Variants in RIMKLB observed in about 807,000 individuals in gnomAD.
RIMKLB encodes beta-citrylglutamate synthase B.
Under a neutral mutation model 32.0 loss-of-function variants are expected in RIMKLB, and 7 were observed. The ratio of observed to expected loss-of-function variants is 0.22; its 90% confidence interval spans 0.12 to 0.41. The LOEUF (loss-of-function observed/expected upper bound fraction) is 0.41. Ranked by LOEUF, RIMKLB falls within the 10% of genes least tolerant of loss-of-function variation. The pLI, the probability that RIMKLB is intolerant of heterozygous loss-of-function variation, is 1.00. For missense variants in RIMKLB, 289 were observed against 498.7 expected, an observed-to-expected ratio of 0.58 and a Z score of 4.00; for synonymous variants, 172 against 185.1, an observed-to-expected ratio of 0.93 and a Z score of 0.57.
At chr12:8,724,752 G>C (rs1174210621) in intron 2 of RIMKLB, among the ~76,000 whole-genome samples, 1 of 152,180 alleles carries the variant, frequency 6.6e-6, no homozygotes, top group Admixed American at 6.5e-5. Context: ...TAGGGCTGGA[G>C]GCTGGATCTG....
chr12:8,768,886 T>C (rs1421270388), intron 5 of RIMKLB, among the ~76,000 whole-genome samples: 3 of 152,224 alleles, frequency 2.0e-5, no homozygotes, highest in African/African-American at 7.2e-5. Flanking sequence ...TGATTCTCTT[T>C]ATTGTCATTC....
chr12:8,681,167 C>A (rs1367161413), upstream of RIMKLB, among the ~76,000 whole-genome samples: 2 of 151,924 alleles, frequency 1.3e-5, no homozygotes, highest in African/African-American at 4.8e-5. Flanking sequence ...ATAGGGACAC[C>A]ATTCTTAGGC....
chr12:8,718,661 A>ATGTGTGTGTGTG (rs1287877829), intron 2 of RIMKLB, among the ~76,000 whole-genome samples: 7 of 118,502 alleles, frequency 5.9e-5, no homozygotes, highest in African/African-American at 2.1e-4. Flanking sequence ...CTCTATATAT[A>ATGTGTGTGTGTG]TATATATATG....
chr12:8,771,246 CCT>C (rs1490833282), intron 5 of RIMKLB, among the ~76,000 whole-genome samples: 2 of 152,150 alleles, frequency 1.3e-5, no homozygotes, highest in Non-Finnish European at 2.9e-5. Flanking sequence ...TTCTTCTTGG[CCT>C]CTCTGTGCCA....
intron 2 of RIMKLB, 64 bp from the exon 3 acceptor site, chr12:8,749,798 C>T: frequency 9.6e-7 from 1 of 1,041,686 alleles, no homozygotes; most frequent in Non-Finnish European, 1.4e-6. Context: ...TGGCGTATTA[C>T]TATTCCTCTA....
intron 1 of RIMKLB, among the ~76,000 whole-genome samples, chr12:8,704,241 G>A (rs1213217061): frequency 6.6e-6 from 1 of 152,052 alleles, no homozygotes; most frequent in African/African-American, 2.4e-5. Context: ...AAATTAGCCG[G>A]GTGTGGCGGT....
At chr12:8,717,736 A>C (rs924972201) in intron 2 of RIMKLB, among the ~76,000 whole-genome samples, 5 of 152,208 alleles carry the variant, frequency 3.3e-5, no homozygotes, top group Non-Finnish European at 7.3e-5. Flanking sequence ...ATTTGTTTCC[A>C]CTTTAAACTC....
Position 8,775,168 on chromosome 12 carries a change from T to TTAATGCTTCTGG in RIMKLB, c.*1385_*1396dup. On this transcript the variant is annotated 3_prime_UTR_variant, in exon 6 of 6. Coordinates refer to ENST00000535829, the MANE Select transcript of RIMKLB (RefSeq NM_001297776.2). ...TTTATTCAAGGCTACATGCTTTTCT[T>TTAATGCTTCTGG]TAATGCTTCTGGCTATGCATTTTCT... 1.0e-6 allele frequency: 1 copy of TTAATGCTTCTGG among 985,816 alleles called. No homozygotes were observed. The highest frequency in any genetic ancestry group is 1.2e-6 in the Non-Finnish European group (1 of 829,898). The allele number at this position is 985,816 out of a possible 1,614,324, so 61.1% of individuals were successfully genotyped here. A position where few individuals can be genotyped will look rare whatever the true frequency, so the allele number is the denominator to read the frequency against.
downstream of RIMKLB, chr12:8,777,338 G>A (rs2138370535): frequency 3.0e-6 from 3 of 991,664 alleles, no homozygotes; most frequent in Non-Finnish European, 3.6e-6. Context: ...GAAATCTGCT[G>A]TTGGAATCTT....
chr12:8,679,485 C>T, upstream of RIMKLB: 1 of 158,960 alleles, frequency 6.3e-6, no homozygotes, highest in Non-Finnish European at 1.4e-5. Flanking sequence ...GCCAGTGCGC[C>T]CAGCCCATTC....
chr12:8,777,837 A>G (rs1847809811), downstream of RIMKLB: 1 of 368,970 alleles, frequency 2.7e-6, no homozygotes, highest in Admixed American at 6.0e-5. Context: ...TTCCATCACT[A>G]GGCTAACTTT....
upstream of RIMKLB, among the ~76,000 whole-genome samples, chr12:8,676,973 G>T (rs1434212707): frequency 6.6e-6 from 1 of 151,982 alleles, no homozygotes; most frequent in Admixed American, 6.6e-5. Flanking sequence ...AGCCACCCTG[G>T]CCGTGCTATA....
In RIMKLB at chr12:8,773,495, G is replaced by C. The variant is rs1435105194; in HGVS notation, c.872G>C (p.Cys291Ser). 2 of 1,614,134 alleles carry C rather than the reference G, an allele frequency of 1.2e-6. No homozygotes were observed. Among genetic ancestry groups the C allele is most frequent in the Non-Finnish European group, 1.7e-6 (2 of 1,180,050 alleles). The change falls in exon 6 of 6, where the codon TGT becomes TCT. Residue 291 changes from cysteine to serine, a missense_variant. Physicochemically the swap from Cys to Ser is moderately radical, Grantham distance 112. Coordinates refer to ENST00000535829, the MANE Select transcript of RIMKLB (RefSeq NM_001297776.2). ...NVGFIAFDKA[C>S]NLDVAGIIAD... ...GGTTTCATCGCCTTTGATAAGGCTT[G>C]TAATCTAGATGTAGCTGGTATCATA...
chr12:8,740,024 G>A (rs11613560), intron 2 of RIMKLB, among the ~76,000 whole-genome samples: 6 of 152,116 alleles, frequency 3.9e-5, no homozygotes, highest in Admixed American at 3.9e-4. Context: ...TTCTGCCTTA[G>A]CCTCCCCAGT....
rs1329042591 is a variant in RIMKLB at position 8,775,610 on chromosome 12, T to G, written c.*1826T>G. 1.0e-6 allele frequency: 1 copy of G among 985,686 alleles called. No homozygotes were observed. The highest frequency in any genetic ancestry group is 1.7e-5 in the African/African-American group (1 of 57,244). The allele number at this position is 985,686 out of a possible 1,614,324, so 61.1% of individuals were successfully genotyped here. On this transcript the variant is annotated 3_prime_UTR_variant, in exon 6 of 6. Coordinates refer to ENST00000535829, the MANE Select transcript of RIMKLB (RefSeq NM_001297776.2). ...TCGAGGCAATAATAAAAGATCAGTA[T>G]TAACCAGCTATAACAGAGGTTTGAT...
At chr12:8,783,089 T>A (rs1555097791), downstream of RIMKLB, 1 of 152,224 alleles carries the variant, frequency 6.6e-6, no homozygotes, top group Non-Finnish European at 1.5e-5. Flanking sequence ...GCGCTGGAAA[T>A]AACATAGCAT....
chr12:8,741,905 A>G (rs922513656), intron 2 of RIMKLB, among the ~76,000 whole-genome samples: 14 of 151,408 alleles, frequency 9.2e-5, no homozygotes, highest in Non-Finnish European at 1.5e-4. Context: ...AAAAGTTTAA[A>G]TTATTAAAAA....
At chr12:8,699,393 ATTTC>A (rs973583509) in intron 1 of RIMKLB, among the ~76,000 whole-genome samples, 3 of 152,128 alleles carry the variant, frequency 2.0e-5, no homozygotes, top group African/African-American at 7.2e-5. Flanking sequence ...CTTAAAGGTC[ATTTC>A]TTCTATTTTA....
intron 1 of RIMKLB, chr12:8,699,645 C>T (rs372297314): frequency 1.3e-5 from 2 of 152,066 alleles, no homozygotes; most frequent in Non-Finnish European, 2.9e-5. Flanking sequence ...CTATTTTATT[C>T]TTTTCTATCT....
Sources: allele counts gnomAD v4.1 joint callset (sites outside exome capture counted in the v4.1 genomes callset), GRCh38; gene constraint gnomAD v4.1.1; transcripts MANE v1.5; gene names NCBI Gene and HGNC (gene_info 2026-07-23, HGNC 2026-07-21).